STK3: variants seen among roughly 807,000 people sequenced by gnomAD.
STK3 encodes the protein serine/threonine kinase 3.
Under a neutral mutation model 58.0 loss-of-function variants are expected in STK3, and 41 were observed. That is an observed-to-expected ratio of 0.71 (90% confidence interval 0.55 to 0.92). STK3 has a LOEUF of 0.92. Among genes scored for constraint, STK3 ranks in the 40% least tolerant of loss-of-function variants. The pLI, the probability that STK3 is intolerant of heterozygous loss-of-function variation, is 0.00. For missense variants in STK3, 479 were observed against 602.7 expected (o/e 0.79, Z 2.15); for synonymous variants, 170 against 191.0 (o/e 0.89, Z 0.91).
At chr8:98,433,711 T>G (rs747786390) in intron 3 of STK3, among the ~76,000 whole-genome samples, 11 of 152,254 alleles carry the variant, frequency 7.2e-5, no homozygotes, top group Non-Finnish European at 1.3e-4. Flanking sequence ...ATCCCTAATT[T>G]ATTTTTAAGA....
At chr8:98,346,078 G>T in the STK3 span, among the ~76,000 whole-genome samples, 3 of 152,036 alleles carry the variant, frequency 2.0e-5, no homozygotes, top group Non-Finnish European at 4.4e-5. Context: ...CTGAGGTGAG[G>T]AGTTCAAGAC....
intron 3 of STK3, among the ~76,000 whole-genome samples, chr8:98,766,691 C>T (rs1830971778): frequency 1.3e-5 from 2 of 152,144 alleles, no homozygotes; most frequent in Admixed American, 1.3e-4. Flanking sequence ...GTTGAGATTA[C>T]AGGCGTGATC....
At chr8:98,707,723 T>C (rs1181987405) in intron 4 of STK3, among the ~76,000 whole-genome samples, 1 of 152,126 alleles carries the variant, frequency 6.6e-6, no homozygotes, top group Non-Finnish European at 1.5e-5. Context: ...TTCTTTCTAA[T>C]GACCGCTAAA....
chr8:98,556,441 C>A (rs964282423), intron 8 of STK3, among the ~76,000 whole-genome samples: 1 of 152,026 alleles, frequency 6.6e-6, no homozygotes, highest in African/African-American at 2.4e-5. Flanking sequence ...AATTAAGATG[C>A]CCTTGCTCCT....
chr8:98,767,984 T>C (rs1289623057), intron 2 of STK3, among the ~76,000 whole-genome samples: 1 of 152,234 alleles, frequency 6.6e-6, no homozygotes, highest in African/African-American at 2.4e-5. Flanking sequence ...CAGGGTCTAA[T>C]AGTCACTTGC....
intron 10 of STK3, among the ~76,000 whole-genome samples, chr8:98,478,232 A>T (rs1821533407): frequency 6.6e-6 from 1 of 152,202 alleles, no homozygotes; most frequent in Admixed American, 6.5e-5. Flanking sequence ...CCTCACTCAC[A>T]AGGTGATCCC....
intron 4 of STK3, among the ~76,000 whole-genome samples, chr8:98,735,173 A>G (rs1374978792): frequency 3.9e-5 from 6 of 152,166 alleles, no homozygotes; most frequent in African/African-American, 1.4e-4. Context: ...GTAATTTTAT[A>G]TTCACAGGAC....
chr8:98,643,847 A>G (rs1006880908), intron 6 of STK3, among the ~76,000 whole-genome samples: 1 of 152,094 alleles, frequency 6.6e-6, no homozygotes. Flanking sequence ...CACCTCTACA[A>G]AAAACTTAAA....
chr8:98,912,416 A>AAC (rs1839179558), intron 1 of STK3, among the ~76,000 whole-genome samples: 1 of 152,092 alleles, frequency 6.6e-6, no homozygotes, highest in African/African-American at 2.4e-5. Context: ...GAAAAAAAAA[A>AAC]AACTTTATCT....
intron 6 of STK3, among the ~76,000 whole-genome samples, chr8:98,612,163 T>C (rs1257233911): frequency 1.3e-5 from 2 of 150,568 alleles, no homozygotes; most frequent in African/African-American, 4.9e-5. Context: ...TTAAAAACTA[T>C]GTGTAACTTC....
chr8:98,442,979 C>T (rs1259192725), intron 1 of STK3, among the ~76,000 whole-genome samples: 14 of 124,932 alleles, frequency 1.1e-4, no homozygotes, highest in South Asian at 1.0e-3. Flanking sequence ...ATTAAACTGG[C>T]TCTTAGCTAA....
chr8:98,937,541 C>G (rs1269394593), intron 1 of STK3, among the ~76,000 whole-genome samples: 3 of 152,192 alleles, frequency 2.0e-5, no homozygotes, highest in Non-Finnish European at 4.4e-5. Context: ...CCAAGGGGAT[C>G]CAACCTTAAA....
At chr8:98,865,065 GC>G (rs1199155289) in intron 3 of STK3, among the ~76,000 whole-genome samples, 1 of 152,090 alleles carries the variant, frequency 6.6e-6, no homozygotes, top group Admixed American at 6.6e-5. Flanking sequence ...CTTTTGCAGG[GC>G]AACCAATAGA....
intron 1 of STK3, among the ~76,000 whole-genome samples, chr8:98,916,135 C>T (rs1297990040): frequency 2.0e-5 from 3 of 152,180 alleles, no homozygotes; most frequent in Middle Eastern, 3.2e-3. Context: ...CGAAAACTGG[C>T]CCGTCGTGGT....
At chr8:98,796,439 C>T (rs757884411) in intron 1 of STK3, among the ~76,000 whole-genome samples, 16 of 152,016 alleles carry the variant, frequency 1.1e-4, no homozygotes, top group Non-Finnish European at 1.9e-4. Flanking sequence ...ACTAGCCATA[C>T]GCAAAAGAAT....
intron 1 of STK3, among the ~76,000 whole-genome samples, chr8:98,906,798 C>A (rs892330131): frequency 2.6e-5 from 4 of 151,382 alleles, no homozygotes; most frequent in African/African-American, 9.7e-5. Context: ...CTGACCACCT[C>A]ATCTTCACTT....
intron 2 of STK3, chr8:98,371,792 T>C (rs1194946112): frequency 6.6e-6 from 1 of 152,190 alleles, no homozygotes; most frequent in East Asian, 1.9e-4. Context: ...TAGGGCCACA[T>C]GAGACAGTAC....
chr8:98,693,467 A>G (rs1824572710), intron 6 of STK3, among the ~76,000 whole-genome samples: 1 of 152,186 alleles, frequency 6.6e-6, no homozygotes, highest in African/African-American at 2.4e-5. Context: ...CAGAGATTAG[A>G]GTAAGACAAC....
chr8:98,674,080 G>A (rs1823026345), intron 6 of STK3, among the ~76,000 whole-genome samples: 2 of 152,114 alleles, frequency 1.3e-5, no homozygotes, highest in Non-Finnish European at 2.9e-5. Flanking sequence ...CACTCAGAGA[G>A]AAAATACATA....
Sources: gnomAD v4.1 joint callset for allele counts (sites outside exome capture counted in the v4.1 genomes callset) on GRCh38, gnomAD v4.1.1 for gene constraint, MANE v1.5 for transcripts, NCBI Gene and HGNC (gene_info 2026-07-23, HGNC 2026-07-21) for gene names.